Variants in YWHAG observed in about 807,000 individuals in gnomAD.
The protein encoded by YWHAG is 14-3-3 protein gamma.
A neutral mutation model predicts 23.3 loss-of-function variants in YWHAG; 1 was observed. That is an observed-to-expected ratio of 0.04 (90% CI 0.02 to 0.20). YWHAG has a LOEUF of 0.20. YWHAG is among the 10% of genes least tolerant of loss of function. The probability of loss-of-function intolerance (pLI) is 1.00; values close to 1 mark genes in which losing one functional copy is unlikely to be tolerated. For synonymous variants in YWHAG, 160 were observed against 144.0 expected (o/e 1.11, Z -0.80); for missense variants, 151 against 338.6 (o/e 0.45, Z 4.35).
chr7:76,337,660 G>A (rs1010047716), intron 1 of YWHAG, among the ~76,000 whole-genome samples: 1 of 150,982 alleles, frequency 6.6e-6, no homozygotes, highest in Admixed American at 6.6e-5. Flanking sequence ...TCAGCCTCCC[G>A]AGTAGCTGGG....
intron 1 of YWHAG, among the ~76,000 whole-genome samples, chr7:76,331,746 G>A (rs1315646345): frequency 6.6e-6 from 1 of 151,802 alleles, no homozygotes; most frequent in East Asian, 1.9e-4. Context: ...GCCCATGCCT[G>A]TAATCCCAGT....
rs1025124151 is a variant in YWHAG at position 76,358,916 on chromosome 7, G to C, written c.-108C>G. On this transcript the variant is annotated 5_prime_UTR_variant, in exon 1 of 2. Transcript: ENST00000307630. Reference sequence around the variant, plus strand: ...GTGCCGGAGAGGACCGACCCACAGAGCGAGCAGCTGAGGCGGCGGCTGCGC... The same window carrying C: ...GTGCCGGAGAGGACCGACCCACAGACCGAGCAGCTGAGGCGGCGGCTGCGC... 5.7e-6 allele frequency: 6 copies of C among 1,059,938 alleles called. No homozygotes were observed. The African/African-American group carries it at 8.3e-5, about 15-fold the overall frequency. 65.7% of individuals were successfully genotyped at this position (1,059,938 alleles called of 1,614,324 possible).
At chr7:76,340,755 C>G (rs1803680673) in intron 1 of YWHAG, among the ~76,000 whole-genome samples, 1 of 152,164 alleles carries the variant, frequency 6.6e-6, no homozygotes, top group Admixed American at 6.5e-5. Context: ...AGATGGGAAC[C>G]ATGCATATCT....
In YWHAG at chr7:76,329,386, C is replaced by A; in HGVS notation, c.*191G>T. The A allele has an allele frequency of 1.5e-6, 1 of 676,784 alleles. No homozygotes were observed. The highest frequency in any genetic ancestry group is 2.8e-5 in the East Asian group (1 of 36,118). The allele number at this position is 676,784 out of a possible 1,614,324, so 41.9% of individuals were successfully genotyped here. A position where few individuals can be genotyped will look rare whatever the true frequency, so the allele number is the denominator to read the frequency against. ...GGCTGCTATTCCAATACCAGCACAG[C>A]TAGCCTGACTTTCCACTAGTGGTAT... On this transcript the variant is annotated 3_prime_UTR_variant, in exon 2 of 2. Coordinates refer to ENST00000307630, the MANE Select transcript of YWHAG (RefSeq NM_012479.4). The surrounding 1 kb of genome is among the most constrained non-coding windows in gnomAD (Gnocchi z 6.1).
intron 1 of YWHAG, among the ~76,000 whole-genome samples, chr7:76,333,966 G>A (rs577525390): frequency 2.0e-4 from 31 of 152,360 alleles, no homozygotes; most frequent in Non-Finnish European, 3.5e-4. Flanking sequence ...GAGGCAATCT[G>A]TACTTATGTA....
chr7:76,335,659 T>C (rs1803605385), intron 1 of YWHAG, among the ~76,000 whole-genome samples: 1 of 152,162 alleles, frequency 6.6e-6, no homozygotes, highest in African/African-American at 2.4e-5. Context: ...CCTTACATTG[T>C]AATGGTAGGG....
Position 76,329,955 on chromosome 7 carries a change from G to A in YWHAG, c.366C>T (p.Phe122=). 1.2e-6 allele frequency: 2 copies of A among 1,614,160 alleles called. No homozygotes were observed. The highest frequency in any genetic ancestry group is 1.3e-5 in the African/African-American group (1 of 75,028). ...CSETQYESKV[F]YLKMKGDYYR... ...AGTAGTCCCCTTTCATCTTCAGGTA[G>A]AACACTTTGCTCTCGTACTGGGTCT... Residue 122 remains phenylalanine, a synonymous_variant, in exon 2 of 2, where the codon TTC becomes TTT. Transcript: ENST00000307630. The surrounding 1 kb of genome is among the most constrained non-coding windows in gnomAD (Gnocchi z 6.1).
intron 1 of YWHAG, among the ~76,000 whole-genome samples, chr7:76,351,834 A>C (rs1187318623): frequency 1.3e-5 from 2 of 152,180 alleles, no homozygotes; most frequent in Non-Finnish European, 2.9e-5. Context: ...AGCAATAATA[A>C]AGTGCACAAT....
chr7:76,349,418 T>TACACACAC (rs35880008), intron 1 of YWHAG, among the ~76,000 whole-genome samples: 4 of 147,048 alleles, frequency 2.7e-5, no homozygotes, highest in Non-Finnish European at 6.0e-5. Context: ...CATTTATTAA[T>TACACACAC]ACACACACAC....
At chr7:76,354,793 T>C (rs1364025222) in intron 1 of YWHAG, among the ~76,000 whole-genome samples, 1 of 152,180 alleles carries the variant, frequency 6.6e-6, no homozygotes, top group Admixed American at 6.5e-5. Context: ...AACGAGTCAC[T>C]AGAACACCAG....
intron 1 of YWHAG, among the ~76,000 whole-genome samples, chr7:76,354,309 G>C (rs912867587): frequency 3.9e-5 from 6 of 151,998 alleles, no homozygotes; most frequent in Non-Finnish European, 5.9e-5. Context: ...TCAGGAGTTC[G>C]AGCTCAGCCT....
intron 1 of YWHAG, among the ~76,000 whole-genome samples, chr7:76,355,109 A>G (rs73140065): frequency 6.6e-6 from 1 of 152,186 alleles, no homozygotes; most frequent in Non-Finnish European, 1.5e-5. Flanking sequence ...AAAAATAACC[A>G]CTTTCTCTCT....
At position 76,329,489 on chromosome 7, in the gene YWHAG, T is replaced by TTCCACCC; in HGVS notation, c.*87_*88insGGGTGGA. 1 of 1,024,226 alleles carries TTCCACCC rather than the reference T, an allele frequency of 9.8e-7. No homozygotes were observed. Among genetic ancestry groups the TTCCACCC allele is most frequent in the Non-Finnish European group, 1.4e-6 (1 of 740,080 alleles). The allele number at this position is 1,024,226 out of a possible 1,614,324, so 63.4% of individuals were successfully genotyped here. ...TCCCTGGGAAGGTCATCCCTCCCTT[T>TTCCACCC]CCCTCCCCCACCCGACCCCCAACTC... On this transcript the variant is annotated 3_prime_UTR_variant, in exon 2 of 2. Coordinates refer to ENST00000307630, the MANE Select transcript of YWHAG (RefSeq NM_012479.4). The surrounding 1 kb of genome is among the most constrained non-coding windows in gnomAD (Gnocchi z 6.1).
At chr7:76,345,680 T>C (rs1376118085) in intron 1 of YWHAG, among the ~76,000 whole-genome samples, 1 of 151,590 alleles carries the variant, frequency 6.6e-6, no homozygotes, top group Non-Finnish European at 1.5e-5. Context: ...CAGTGGCTCA[T>C]GCCTGTAATC....
At chr7:76,343,907 A>G (rs1803736570) in intron 1 of YWHAG, among the ~76,000 whole-genome samples, 1 of 152,190 alleles carries the variant, frequency 6.6e-6, no homozygotes, top group Non-Finnish European at 1.5e-5. Flanking sequence ...GGGTAGTTTG[A>G]GACAAGCAAA....
Position 76,328,095 on chromosome 7 carries a change from TAA to T in YWHAG, c.*1480_*1481del, listed in dbSNP as rs1433815127. ...TTCCTCGTCACTGACTTTATATATA[TAA>T]AAAAAAGAATGCACATGCGGGCCAC... On this transcript the variant is annotated 3_prime_UTR_variant, in exon 2 of 2. Transcript: ENST00000307630. 6.6e-6 allele frequency: 1 copy of T among 151,646 alleles called. No individual in the cohort carries two copies. Among genetic ancestry groups the T allele is most frequent in the African/African-American group, 2.4e-5 (1 of 41,300 alleles). The allele number at this position is 151,646 out of a possible 1,614,324, so 9.4% of individuals were successfully genotyped here. A position where few individuals can be genotyped will look rare whatever the true frequency, so the allele number is the denominator to read the frequency against.
chr7:76,330,175 T>C lies in YWHAG; in HGVS notation c.146A>G (p.Tyr49Cys). ...GCGGCGTGCCCCCACAACGTTCTTG[T>C]AGGCCACAGACAGAAGGTTTCGTTC... ...NEERNLLSVA[Y>C]KNVVGARRSS... The change falls in exon 2 of 2, where the codon TAC (tyrosine) becomes TGC (cysteine). Residue 49 changes from tyrosine to cysteine, a missense_variant. By Grantham distance (194) the Tyr-to-Cys change is radical. Transcript: ENST00000307630. 6.2e-7 allele frequency: 1 copy of C among 1,612,156 alleles called. No individual in the cohort carries two copies. The highest frequency in any genetic ancestry group is 8.5e-7 in the Non-Finnish European group (1 of 1,179,338).
chr7:76,333,965 T>C (rs558030746), intron 1 of YWHAG, among the ~76,000 whole-genome samples: 73 of 152,358 alleles, frequency 4.8e-4, no homozygotes, highest in Non-Finnish European at 1.0e-3. Context: ...AGAGGCAATC[T>C]GTACTTATGT....
At chr7:76,343,837 G>A (rs963279744) in intron 1 of YWHAG, among the ~76,000 whole-genome samples, 2 of 152,192 alleles carry the variant, frequency 1.3e-5, no homozygotes, top group Admixed American at 6.5e-5. Context: ...GAGAGACTGT[G>A]GGTGAGGCCA....
Sources: gnomAD v4.1 joint callset for allele counts (sites outside exome capture counted in the v4.1 genomes callset) on GRCh38, gnomAD v4.1.1 for gene constraint, Gnocchi (gnomAD v3.1) non-coding constraint, MANE v1.5 for transcripts, NCBI Gene and HGNC (gene_info 2026-07-23, HGNC 2026-07-21) for gene names.